Variants in LGSN observed in about 807,000 individuals in gnomAD.
LGSN encodes lengsin, lens protein with glutamine synthetase domain.
Under a neutral mutation model 19.5 loss-of-function variants are expected in LGSN, and 21 were observed. The observed-to-expected ratio is 1.07, with a 90% CI of 0.76 to 1.55. LGSN has a LOEUF of 1.55. Among genes scored for constraint, LGSN ranks in the 40% most tolerant of loss-of-function variants. The probability of loss-of-function intolerance (pLI) is 0.00; values close to 1 mark genes in which losing one functional copy is unlikely to be tolerated. For synonymous variants in LGSN, 257 were observed against 215.6 expected (o/e 1.19, Z -1.68); for missense variants, 673 against 608.5 (o/e 1.11, Z -1.12).
chr6:63,528,628 G>A, the LGSN span, among the ~76,000 whole-genome samples: 20 of 152,180 alleles, frequency 1.3e-4, 2 homozygotes, highest in South Asian at 3.7e-3. Flanking sequence ...ATGCATGGTG[G>A]TGTGCGCCTG....
the LGSN span, among the ~76,000 whole-genome samples, chr6:63,356,875 C>A: frequency 6.6e-6 from 1 of 152,050 alleles, no homozygotes; most frequent in African/African-American, 2.4e-5. Flanking sequence ...TACATGTACA[C>A]AACGTGCAGG....
At chr6:63,338,338 C>G in the LGSN span, among the ~76,000 whole-genome samples, 1 of 152,186 alleles carries the variant, frequency 6.6e-6, no homozygotes, top group Non-Finnish European at 1.5e-5. Context: ...AGCTACATTT[C>G]AGATTCTTCC....
the LGSN span, chr6:63,548,749 C>T: frequency 0.35 from 240,351 of 678,178 alleles, 44,048 homozygotes; most frequent in Admixed American, 0.43. Flanking sequence ...TTTGCCTTTT[C>T]GAGCTTGCCA....
At chr6:63,405,940 A>T in the LGSN span, among the ~76,000 whole-genome samples, 2 of 152,170 alleles carry the variant, frequency 1.3e-5, no homozygotes, top group Admixed American at 1.3e-4. Context: ...AGGCCATTAC[A>T]TAATGGTAAA....
chr6:63,515,844 T>C, the LGSN span, among the ~76,000 whole-genome samples: 5 of 152,284 alleles, frequency 3.3e-5, no homozygotes, highest in East Asian at 5.8e-4. Flanking sequence ...TAGTTCATAA[T>C]GTGTTATATG....
the LGSN span, among the ~76,000 whole-genome samples, chr6:63,326,395 A>T: frequency 1.3e-5 from 2 of 152,198 alleles, no homozygotes; most frequent in African/African-American, 4.8e-5. Context: ...CACCCAGTGG[A>T]TTCTGCACCA....
At chr6:63,438,105 T>C in the LGSN span, among the ~76,000 whole-genome samples, 15 of 152,256 alleles carry the variant, frequency 9.9e-5, no homozygotes, top group African/African-American at 3.4e-4. Flanking sequence ...AGTATATATG[T>C]ATATAATTCA....
the LGSN span, among the ~76,000 whole-genome samples, chr6:63,331,727 T>C: frequency 6.6e-6 from 1 of 152,166 alleles, no homozygotes; most frequent in African/African-American, 2.4e-5. Flanking sequence ...AACATTAGTT[T>C]TCCTCCCAGA....
intron 1 of LGSN, 145 bp from the exon 2 acceptor site, chr6:63,295,190 C>T (rs759682375): frequency 1.4e-4 from 93 of 684,276 alleles, no homozygotes; most frequent in Non-Finnish European, 2.0e-4. Context: ...CACTTCCACA[C>T]TCACCTGAAT....
At chr6:63,346,167 C>G in the LGSN span, among the ~76,000 whole-genome samples, 12 of 151,356 alleles carry the variant, frequency 7.9e-5, no homozygotes, top group Admixed American at 7.9e-4. Flanking sequence ...CACAGAGCTC[C>G]CAATCCCTTG....
the LGSN span, among the ~76,000 whole-genome samples, chr6:63,374,032 T>C: frequency 6.6e-6 from 1 of 152,178 alleles, no homozygotes; most frequent in African/African-American, 2.4e-5. Context: ...TCAATGCTAA[T>C]GGACTAATTT....
chr6:63,352,692 C>G, the LGSN span, among the ~76,000 whole-genome samples: 2 of 151,906 alleles, frequency 1.3e-5, no homozygotes, highest in African/African-American at 2.4e-5. Flanking sequence ...GACACACACA[C>G]ACACACACAC....
upstream of LGSN, among the ~76,000 whole-genome samples, chr6:63,320,161 C>A (rs1203219198): frequency 2.0e-5 from 3 of 152,168 alleles, no homozygotes; most frequent in African/African-American, 7.2e-5. Flanking sequence ...AATCGAATGA[C>A]AAATGCTTGT....
At chr6:63,516,872 G>C in the LGSN span, among the ~76,000 whole-genome samples, 46 of 152,306 alleles carry the variant, frequency 3.0e-4, no homozygotes, top group Admixed American at 5.9e-4. Flanking sequence ...GGTGACCTTG[G>C]AATTGGAAGC....
At chr6:63,439,452 T>A in the LGSN span, among the ~76,000 whole-genome samples, 1 of 151,704 alleles carries the variant, frequency 6.6e-6, no homozygotes, top group Admixed American at 6.6e-5. Context: ...GAGGTGGAGG[T>A]TGCAGTGATC....
intron 1 of LGSN, among the ~76,000 whole-genome samples, chr6:63,313,890 A>G (rs867465766): frequency 0.029 from 4,439 of 150,672 alleles, 215 homozygotes; most frequent in African/African-American, 0.1. Flanking sequence ...ATACATACAT[A>G]CATGCATACA....
At chr6:63,285,458 C>T in intron 3 of LGSN, 129 bp downstream of exon 3, 1 of 754,892 alleles carries the variant, frequency 1.3e-6, no homozygotes, top group Non-Finnish European at 2.1e-6. Flanking sequence ...AGGGAAGAAA[C>T]AAAATAAGTT....
chr6:63,305,730 A>G (rs78099290), intron 1 of LGSN, among the ~76,000 whole-genome samples: 1 of 151,404 alleles, frequency 6.6e-6, no homozygotes, highest in Non-Finnish European at 1.5e-5. Context: ...TCTTTGCTCA[A>G]TCAAACTCTG....
the LGSN span, among the ~76,000 whole-genome samples, chr6:63,358,835 G>T: frequency 6.6e-6 from 1 of 151,898 alleles, no homozygotes; most frequent in Non-Finnish European, 1.5e-5. Context: ...TTTTTCTCCT[G>T]CCTGAGTGCC....
Sources: allele counts gnomAD v4.1 joint callset (sites outside exome capture counted in the v4.1 genomes callset), GRCh38; gene constraint gnomAD v4.1.1; transcripts MANE v1.5; gene names NCBI Gene and HGNC (gene_info 2026-07-23, HGNC 2026-07-21).